The following PTPRA variants were observed in gnomAD, a reference collection of about 807,000 sequenced individuals.
The protein encoded by PTPRA is protein tyrosine phosphatase receptor type A.
A neutral mutation model predicts 104.8 loss-of-function variants in PTPRA; 25 were observed. The observed-to-expected ratio is 0.24, with a 90% confidence interval of 0.17 to 0.33. PTPRA has a LOEUF of 0.33. Among genes scored for constraint, PTPRA ranks in the 10% least tolerant of loss-of-function variants. PTPRA has a pLI of 1.00. For synonymous variants in PTPRA, 323 were observed against 368.9 expected (o/e 0.88, Z 1.43); for missense variants, 765 against 1,015.3 (o/e 0.75, Z 3.35).
chr20:3,029,803 C>G (rs1006846205), intron 20 of PTPRA, among the ~76,000 whole-genome samples: 5 of 152,130 alleles, frequency 3.3e-5, no homozygotes, highest in African/African-American at 1.2e-4. Context: ...GCTGGGATTA[C>G]AGGCGTGAGC....
intron 2 of PTPRA, among the ~76,000 whole-genome samples, chr20:2,942,753 T>C (rs771159083): frequency 4.3e-4 from 65 of 150,998 alleles, no homozygotes; most frequent in South Asian, 1.5e-3. Flanking sequence ...TAATATATAA[T>C]GTGGCTACTA....
intron 2 of PTPRA, among the ~76,000 whole-genome samples, chr20:2,923,486 T>G (rs903791974): frequency 6.8e-6 from 1 of 147,412 alleles, no homozygotes; most frequent in Non-Finnish European, 1.5e-5. Context: ...CTTGAAGAGC[T>G]TTTTTTTTTT....
At chr20:2,926,769 C>CTTTTTTTTTTTTTTTTTTTTTTTTTCT (rs777386962) in intron 2 of PTPRA, among the ~76,000 whole-genome samples, 3 of 85,020 alleles carry the variant, frequency 3.5e-5, no homozygotes, top group Non-Finnish European at 4.2e-5. Context: ...TTTCCTTTTC[C>CTTTTTTTTTTTTTTTTTTTTTTTTTCT]TTTTTTTTTT....
At chr20:2,964,014 TG>T (rs2061855275) in intron 3 of PTPRA, among the ~76,000 whole-genome samples, 1 of 152,178 alleles carries the variant, frequency 6.6e-6, no homozygotes, top group Non-Finnish European at 1.5e-5. Context: ...GTCTCCATCC[TG>T]GGCAACAGAG....
chr20:2,897,957 G>A (rs2059079381), intron 1 of PTPRA, among the ~76,000 whole-genome samples: 1 of 136,962 alleles, frequency 7.3e-6, no homozygotes, highest in South Asian at 2.3e-4. Context: ...TTGTTGCCCA[G>A]GCTGGGGTGC....
chr20:2,902,082 A>G (rs1367711370), intron 1 of PTPRA, among the ~76,000 whole-genome samples: 4 of 151,960 alleles, frequency 2.6e-5, no homozygotes, highest in African/African-American at 9.7e-5. Flanking sequence ...ATGGGGTTTC[A>G]CCATGTTGGT....
intron 14 of PTPRA, 130 bp from the exon 15 acceptor site, chr20:3,021,923 TG>T: frequency 8.6e-7 from 1 of 1,169,450 alleles, no homozygotes; most frequent in Non-Finnish European, 1.2e-6. Context: ...CTTGTGTCTG[TG>T]GTTAACTAAC....
chr20:2,980,899 T>G (rs892631707), intron 6 of PTPRA, among the ~76,000 whole-genome samples: 3 of 152,124 alleles, frequency 2.0e-5, no homozygotes, highest in African/African-American at 7.2e-5. Flanking sequence ...AAGACAAACA[T>G]GGACATACGT....
At chr20:3,020,722 G>C (rs547562702) in intron 13 of PTPRA, among the ~76,000 whole-genome samples, 40 of 152,344 alleles carry the variant, frequency 2.6e-4, no homozygotes, top group African/African-American at 9.4e-4. Flanking sequence ...TGGCCCTTGA[G>C]TCACCTTGAT....
At chr20:3,029,538 A>ATTTTTTTTTTT (rs1390310900) in intron 20 of PTPRA, among the ~76,000 whole-genome samples, 1 of 35,638 alleles carries the variant, frequency 2.8e-5, no homozygotes, top group African/African-American at 2.1e-4. Flanking sequence ...GGTCTTCATC[A>ATTTTTTTTTTT]TCTTTTTTTT....
Position 2,964,926 on chromosome 20 carries a change from G to T in PTPRA, c.139G>T (p.Ala47Ser). ...AACGGCAGAACCAGTTAAAGAAGAG[G>T]CCAAAACTTCAAATCCAACTTCTTC... ...SSTAEPVKEE[A>S]KTSNPTSSLT... Residue 47 changes from alanine to serine, a missense_variant, in exon 5 of 24, where the codon GCC (alanine) becomes TCC (serine). Around this residue, in one of 4 missense-constraint regions of PTPRA, gnomAD observed 256 missense variants for 248.9 expected, o/e 1.03. Coordinates refer to ENST00000399903, the MANE Select transcript of PTPRA (RefSeq NM_001385305.1). The T allele has an allele frequency of 1.2e-6, 2 of 1,614,064 alleles. No individual in the cohort carries two copies. The highest frequency in any genetic ancestry group is 1.7e-6 in the Non-Finnish European group (2 of 1,179,968).
chr20:2,888,039 G>A (rs1044595023), intron 1 of PTPRA, among the ~76,000 whole-genome samples: 7 of 152,176 alleles, frequency 4.6e-5, no homozygotes, highest in Non-Finnish European at 1.0e-4. Context: ...TGGGGTGTTA[G>A]CTAGAATGGT....
intron 5 of PTPRA, among the ~76,000 whole-genome samples, chr20:2,967,724 G>A (rs2061998796): frequency 6.6e-6 from 1 of 152,130 alleles, no homozygotes; most frequent in Admixed American, 6.5e-5. Flanking sequence ...AGCTGGGCAT[G>A]GGTGCATGTG....
intron 9 of PTPRA, among the ~76,000 whole-genome samples, chr20:2,999,013 CAT>C (rs1467801745): frequency 9.3e-5 from 14 of 150,874 alleles, no homozygotes; most frequent in African/African-American, 3.4e-4. Flanking sequence ...ATTCATCAGA[CAT>C]ATTATGGAAT....
chr20:3,018,727 A>G (rs888941686), intron 13 of PTPRA, among the ~76,000 whole-genome samples: 7 of 150,766 alleles, frequency 4.6e-5, no homozygotes, highest in South Asian at 2.1e-4. Context: ...CCCGTTCTCA[A>G]TGAGCTGCTG....
chr20:2,877,818 G>C (rs1173228200), intron 1 of PTPRA, among the ~76,000 whole-genome samples: 1 of 152,126 alleles, frequency 6.6e-6, no homozygotes, highest in African/African-American at 2.4e-5. Context: ...TTCTTCAATA[G>C]CATAAAATAT....
At position 3,037,445 on chromosome 20, in the gene PTPRA, T is replaced by C. The variant is rs1156651858; in HGVS notation, c.2334+156T>C. Among the ~76,000 whole-genome samples, 2 of 151,998 alleles carry C rather than the reference T, an allele frequency of 1.3e-5. No individual in the cohort carries two copies. Among genetic ancestry groups the C allele is most frequent in the African/African-American group, 4.8e-5 (2 of 41,374 alleles). On this transcript the variant is annotated intron_variant, in intron 23 of 23. Transcript: ENST00000399903. This position sits in a 1 kb window ranked among gnomAD's most constrained non-coding sequence, Gnocchi z 4.3. ...AGGTGCCCCAAATACACAGGAAACATTGGGAGGCAGGATGGCAGCAATGGG... is the reference window on the plus strand; with the variant it reads ...AGGTGCCCCAAATACACAGGAAACACTGGGAGGCAGGATGGCAGCAATGGG...
Position 3,027,779 on chromosome 20 carries a change from A to G in PTPRA, c.1858A>G (p.Met620Val). The change falls in exon 20 of 24, where the codon ATG becomes GTG. Residue 620 changes from methionine (M) to valine (V), a missense_variant. Physicochemically the swap from Met to Val is conservative, Grantham distance 21 (BLOSUM62 1). Coordinates refer to ENST00000399903, the MANE Select transcript of PTPRA (RefSeq NM_001385305.1). ...LLHTIEDFWR[M>V]IWEWKSCSIV... Reference sequence around the variant, plus strand: ...CCACACAATTGAGGACTTCTGGCGAATGATCTGGGAGTGGAAATCCTGCTC... The same window carrying G: ...CCACACAATTGAGGACTTCTGGCGAGTGATCTGGGAGTGGAAATCCTGCTC... The G allele has an allele frequency of 1.2e-6, 2 of 1,614,172 alleles. No individual in the cohort carries two copies. Among genetic ancestry groups the G allele is most frequent in the Admixed American group, 1.7e-5 (1 of 60,020 alleles).
intron 1 of PTPRA, among the ~76,000 whole-genome samples, chr20:2,885,242 T>A (rs756612828): frequency 1.3e-5 from 2 of 152,156 alleles, no homozygotes; most frequent in Non-Finnish European, 2.9e-5. Context: ...TCCTAGTAGG[T>A]GTAAAGTGGT....
Sources: gnomAD v4.1 joint callset for allele counts (sites outside exome capture counted in the v4.1 genomes callset) on GRCh38, gnomAD v4.1.1 for gene constraint, gnomAD v4.1.1 regional missense constraint, Gnocchi (gnomAD v3.1) non-coding constraint, MANE v1.5 for transcripts, NCBI Gene and HGNC (gene_info 2026-07-23, HGNC 2026-07-21) for gene names.